The following TRIM24 variants were observed in gnomAD, a reference collection of about 807,000 sequenced individuals.
TRIM24 encodes the protein transcription intermediary factor 1-alpha.
TRIM24 carries 29 observed loss-of-function variants against 123.9 expected under a neutral mutation model. The observed-to-expected ratio is 0.23, with a 90% CI of 0.17 to 0.32. The LOEUF is 0.32. TRIM24 is among the 10% of genes least tolerant of loss of function. The pLI is 1.00. For missense variants in TRIM24, 932 were observed against 1,295.3 expected, an observed-to-expected ratio of 0.72 and a Z score of 4.31; for synonymous variants, 456 against 461.1, an observed-to-expected ratio of 0.99 and a Z score of 0.14.
At position 138,460,430 on chromosome 7, in the gene TRIM24, C is replaced by T. The variant is rs1794931483; in HGVS notation, c.-119C>T. ...CGGTTTGCTTTCCCTCCCTCGCTGG[C>T]GCTGCCGCGAGTCCACCGAGCGGCC... is the stretch of plus-strand genomic sequence containing the variant. On this transcript the variant is annotated 5_prime_UTR_variant, in exon 1 of 19. Coordinates refer to ENST00000343526, the MANE Select transcript of TRIM24 (RefSeq NM_015905.3). The T allele has an allele frequency of 1.8e-6, 2 of 1,103,250 alleles. No homozygotes were observed. The highest frequency in any genetic ancestry group is 2.3e-6 in the Non-Finnish European group (2 of 868,454). 68.3% of individuals were successfully genotyped at this position (1,103,250 alleles called of 1,614,324 possible). A position where few individuals can be genotyped will look rare whatever the true frequency, so the allele number is the denominator to read the frequency against.
intron 1 of TRIM24, chr7:138,490,850 G>T: frequency 2.2e-6 from 1 of 457,610 alleles, no homozygotes; most frequent in East Asian, 5.9e-5. Flanking sequence ...GTACCTGTCA[G>T]GTCATGATTT....
In TRIM24 at chr7:138,551,090, C is replaced by T. The variant is rs1296800000; in HGVS notation, c.1171C>T (p.Arg391Cys). 1.1e-5 allele frequency: 18 copies of T among 1,613,794 alleles called. No individual in the cohort carries two copies. Among genetic ancestry groups the T allele is most frequent in the Non-Finnish European group, 1.4e-5 (17 of 1,179,760 alleles). Reference sequence around the variant, plus strand: ...TACATACCGGTTACGGCACCTCCTTCGTGCAAGGTGTGATGCATCCCCAGT... The same window carrying T: ...TACATACCGGTTACGGCACCTCCTTTGTGCAAGGTGTGATGCATCCCCAGT... ...LITYRLRHLLRARCDASPVTN... is the reference protein window; with the variant it reads ...LITYRLRHLLCARCDASPVTN... The change falls in exon 8 of 19, where the codon CGT becomes TGT. Residue 391 changes from arginine (R) to cysteine (C), a missense_variant. Arg to Cys is a radical substitution (Grantham distance 180). Coordinates refer to ENST00000343526, the MANE Select transcript of TRIM24 (RefSeq NM_015905.3).
At chr7:138,567,338 CCT>C (rs945087794) in intron 9 of TRIM24, 141 bp from the exon 10 acceptor site, 3 of 726,588 alleles carry the variant, frequency 4.1e-6, no homozygotes, top group South Asian at 3.0e-5. Context: ...ATCCCCCACC[CCT>C]CATTCCCTTA....
intron 10 of TRIM24, among the ~76,000 whole-genome samples, chr7:138,570,099 C>T (rs1164627775): frequency 6.6e-6 from 1 of 152,078 alleles, no homozygotes; most frequent in Admixed American, 6.6e-5. Context: ...AGGTGCCCAC[C>T]ACCACGCCCG....
At chr7:138,538,854 A>T in intron 7 of TRIM24, 51 bp downstream of exon 7, 1 of 1,521,758 alleles carries the variant, frequency 6.6e-7, no homozygotes. Context: ...CAGTAAAACA[A>T]TGGAGCCATT....
At chr7:138,508,706 TGC>T (rs1554436677) in intron 2 of TRIM24, among the ~76,000 whole-genome samples, 8 of 26,950 alleles carry the variant, frequency 3.0e-4, no homozygotes, top group African/African-American at 8.6e-4. Context: ...CGCGCGTGTG[TGC>T]GTGTGTGTGT....
At chr7:138,487,798 A>T (rs547212205) in intron 1 of TRIM24, among the ~76,000 whole-genome samples, 3 of 152,258 alleles carry the variant, frequency 2.0e-5, no homozygotes, top group African/African-American at 7.2e-5. Context: ...ATATTGGTCT[A>T]AAATTCTCTT....
intron 11 of TRIM24, among the ~76,000 whole-genome samples, chr7:138,572,409 T>C (rs148408948): frequency 0.015 from 1,964 of 131,726 alleles, 18 homozygotes; most frequent in Middle Eastern, 0.024. Flanking sequence ...AAAATGACCC[T>C]GTATATTAAC....
intron 1 of TRIM24, among the ~76,000 whole-genome samples, chr7:138,463,283 A>G (rs1198891288): frequency 6.9e-6 from 1 of 144,654 alleles, no homozygotes; most frequent in East Asian, 2.1e-4. Flanking sequence ...TTACCTTCCT[A>G]CCTCGCTTTG....
At chr7:138,577,876 A>T (rs1448922610) in intron 14 of TRIM24, among the ~76,000 whole-genome samples, 1 of 152,180 alleles carries the variant, frequency 6.6e-6, no homozygotes, top group African/African-American at 2.4e-5. Flanking sequence ...TTGAAGATTA[A>T]CTAAACATTT....
intron 1 of TRIM24, among the ~76,000 whole-genome samples, chr7:138,494,070 C>T (rs998899119): frequency 6.6e-6 from 1 of 152,044 alleles, no homozygotes; most frequent in African/African-American, 2.4e-5. Context: ...GAACCTCCGC[C>T]TCCTGGGTTC....
chr7:138,582,430 T>C (rs970670238), intron 17 of TRIM24, among the ~76,000 whole-genome samples: 13 of 151,674 alleles, frequency 8.6e-5, no homozygotes, highest in Admixed American at 4.6e-4. Context: ...TAGTCCCAGC[T>C]ACTCGGGAGG....
intron 2 of TRIM24, among the ~76,000 whole-genome samples, chr7:138,510,324 G>C (rs1431599912): frequency 2.0e-5 from 3 of 152,196 alleles, no homozygotes; most frequent in East Asian, 3.8e-4. Flanking sequence ...TAGAATGTTT[G>C]TATCAAAACA....
intron 6 of TRIM24, among the ~76,000 whole-genome samples, chr7:138,532,574 C>T (rs560711320): frequency 3.5e-3 from 529 of 152,210 alleles, no homozygotes; most frequent in African/African-American, 0.011. Context: ...AGGTCTATAT[C>T]TCTGTTTTGG....
At chr7:138,508,900 CATT>C (rs1249518271) in intron 2 of TRIM24, among the ~76,000 whole-genome samples, 4 of 151,988 alleles carry the variant, frequency 2.6e-5, no homozygotes, top group African/African-American at 9.7e-5. Context: ...TGCTCATCAT[CATT>C]GAGTTGGTCA....
intron 1 of TRIM24, among the ~76,000 whole-genome samples, chr7:138,468,683 C>T (rs747273354): frequency 9.9e-5 from 15 of 152,206 alleles, no homozygotes; most frequent in Admixed American, 2.0e-4. Flanking sequence ...CCTGCTTGGC[C>T]TCCAGTATCT....
At chr7:138,464,087 C>T (rs180797254) in intron 1 of TRIM24, among the ~76,000 whole-genome samples, 3 of 144,814 alleles carry the variant, frequency 2.1e-5, no homozygotes, top group South Asian at 2.2e-4. Flanking sequence ...CTCTGCCTCC[C>T]GGGTTCAGGC....
intron 4 of TRIM24, among the ~76,000 whole-genome samples, 196 bp downstream of exon 4, chr7:138,519,517 T>TCTGTGCA (rs1428219222): frequency 2.0e-5 from 3 of 152,164 alleles, no homozygotes; most frequent in African/African-American, 7.2e-5. Flanking sequence ...TGAGGACTGA[T>TCTGTGCA]CTGTGCATTA....
Position 138,460,747 on chromosome 7 carries a change from G to A in TRIM24, c.199G>A (p.Ala67Thr), listed in dbSNP as rs773539809. 5 of 1,577,340 alleles carry A rather than the reference G, an allele frequency of 3.2e-6. No individual in the cohort carries two copies. Among genetic ancestry groups the A allele is most frequent in the East Asian group, 2.5e-5 (1 of 39,982 alleles). ...AVCHQNIQSR[A>T]PKLLPCLHSF... Reference sequence around the variant, plus strand: ...GTGCCACCAGAACATCCAGAGCCGGGCGCCCAAGCTGCTGCCCTGCCTGCA... The same window carrying A: ...GTGCCACCAGAACATCCAGAGCCGGACGCCCAAGCTGCTGCCCTGCCTGCA... Residue 67 changes from alanine (A) to threonine (T), a missense_variant, in exon 1 of 19, where the codon GCG becomes ACG. Ala to Thr is a moderately conservative substitution (Grantham distance 58). This residue lies in a region of TRIM24 where 164 missense variants were observed against 181.9 expected (regional missense o/e 0.90). Coordinates refer to ENST00000343526, the MANE Select transcript of TRIM24 (RefSeq NM_015905.3).
Sources: allele counts gnomAD v4.1 joint callset (sites outside exome capture counted in the v4.1 genomes callset), GRCh38; gene constraint gnomAD v4.1.1; regional missense constraint gnomAD v4.1.1; transcripts MANE v1.5; gene names NCBI Gene and HGNC (gene_info 2026-07-23, HGNC 2026-07-21).